CIITA: variants seen among roughly 807,000 people sequenced by gnomAD.
The protein encoded by CIITA is MHC class II transactivator.
A neutral mutation model predicts 115.1 loss-of-function variants in CIITA; 72 were observed. The observed-to-expected ratio is 0.63, with a 90% CI of 0.52 to 0.76. The LOEUF is 0.76. Ranked by LOEUF, CIITA falls within the 30% of genes least tolerant of loss-of-function variation. The probability of loss-of-function intolerance (pLI) is 0.00; values close to 1 mark genes in which losing one functional copy is unlikely to be tolerated. For synonymous variants in CIITA, 763 were observed against 635.6 expected, an observed-to-expected ratio of 1.20 and a Z score of -3.02; for missense variants, 1,617 against 1,463.8, an observed-to-expected ratio of 1.10 and a Z score of -1.71.
At position 10,901,342 on chromosome 16, in the gene CIITA, G is replaced by A. The variant is rs889359891; in HGVS notation, c.437-172G>A. 2.0e-5 allele frequency among the ~76,000 whole-genome samples: 3 copies of A among 152,138 alleles called. No individual in the cohort carries two copies. Among genetic ancestry groups the A allele is most frequent in the African/African-American group, 7.2e-5 (3 of 41,416 alleles). On this transcript the variant is annotated intron_variant, in intron 5 of 19. Transcript: ENST00000324288. The surrounding 1 kb of genome is among the most constrained non-coding windows in gnomAD (Gnocchi z 6.8). ...CTGGTATGGTTTGAGATGGGGTTTG[G>A]GTTCAAGCCAAGGAGCTGGGGTTGG...
chr16:10,894,060 C>T lies in CIITA; in HGVS notation c.53-1222C>T, dbSNP rs151083595. Among the ~76,000 whole-genome samples, 37 of 152,218 alleles carry T rather than the reference C, an allele frequency of 2.4e-4. No homozygotes were observed. The East Asian group carries it at 6.9e-3, about 29-fold the overall frequency. ...AGAGATAGGCTTTTGCTATGTTGCC[C>T]AGGCTGGTCTTGAACACCTGGGCTC... is the stretch of plus-strand genomic sequence containing the variant. On this transcript the variant is annotated intron_variant, in intron 1 of 19. Coordinates refer to ENST00000324288, the MANE Select transcript of CIITA (RefSeq NM_000246.4).
chr16:10,883,278 T>A lies in CIITA; in HGVS notation c.52+5896T>A, dbSNP rs922016609. On this transcript the variant is annotated intron_variant, in intron 1 of 19. Transcript: ENST00000324288. ...ACTTGTTGGACTCCTTTCCAGGTCA[T>A]TGACTGCAGTTAGGAGTGGCATGCA... 2.0e-5 allele frequency among the ~76,000 whole-genome samples: 3 copies of A among 152,180 alleles called. No homozygotes were observed. In the East Asian group the frequency reaches 5.8e-4, roughly 29 times the overall value.
intron 16 of CIITA, among the ~76,000 whole-genome samples, chr16:10,921,579 A>C (rs1229138186): frequency 6.6e-6 from 1 of 152,228 alleles, no homozygotes; most frequent in Non-Finnish European, 1.5e-5. Context: ...CCCATTTTAC[A>C]GATGGGCAAA....
rs140683241 is a variant in CIITA at position 10,906,536 on chromosome 16, G to A, written c.1044G>A (p.Thr348=). Residue 348 remains threonine (T), a synonymous_variant, in exon 11 of 20, where the codon ACG becomes ACA. Coordinates refer to ENST00000324288, the MANE Select transcript of CIITA (RefSeq NM_000246.4). ...AGTTCTACCGCTCACTGCAGGACAC[G>A]TATGGTGCCGAGCCCGCAGGCCCGG... is the stretch of plus-strand genomic sequence containing the variant. ...VEQFYRSLQD[T]YGAEPAGPDG... The A allele has an allele frequency of 3.1e-6, 5 of 1,612,548 alleles. No individual in the cohort carries two copies. The highest frequency in any genetic ancestry group is 1.7e-5 in the Admixed American group (1 of 60,028).
At chr16:10,922,559 G>C (rs746901512) in intron 18 of CIITA, 69 bp downstream of exon 18, 60 of 1,518,502 alleles carry the variant, frequency 4.0e-5, no homozygotes, top group Non-Finnish European at 5.5e-5. Flanking sequence ...GTGTGACCCC[G>C]GAGCTCAAAT....
chr16:10,895,179 C>T (rs2037997268), intron 1 of CIITA, 103 bp from the exon 2 acceptor site: 6 of 1,378,406 alleles, frequency 4.4e-6, no homozygotes, highest in South Asian at 3.5e-5. Flanking sequence ...TTTATTCACT[C>T]CTCTCATCCC....
chr16:10,900,436 A>G (rs751120026), intron 5 of CIITA, among the ~76,000 whole-genome samples: 10 of 151,908 alleles, frequency 6.6e-5, no homozygotes, highest in Non-Finnish European at 1.3e-4. Context: ...TTTCCCCCCA[A>G]GATTTTATTG....
At chr16:10,902,003 G>A (rs370237028) in intron 6 of CIITA, 35 bp from the exon 7 acceptor site, 21 of 1,612,966 alleles carry the variant, frequency 1.3e-5, no homozygotes, top group Non-Finnish European at 1.8e-5. Flanking sequence ...GCCCCTCCAA[G>A]CACCCAGTCT....
chr16:10,909,286 G>C, intron 12 of CIITA, 99 bp downstream of exon 12: 1 of 1,276,154 alleles, frequency 7.8e-7, no homozygotes, highest in Non-Finnish European at 1.1e-6. Context: ...AGTGCCCCCT[G>C]TCCTCTGGGA....
chr16:10,877,484 G>C (rs1400117710), intron 1 of CIITA, 102 bp downstream of exon 1: 2 of 1,217,722 alleles, frequency 1.6e-6, no homozygotes, highest in African/African-American at 3.0e-5. Flanking sequence ...ATGGGGGTGA[G>C]GATGGGAACA....
rs1359201517 is a variant in CIITA at position 10,909,099 on chromosome 16, G to A, written c.2728G>A (p.Ala910Thr). The A allele has an allele frequency of 1.2e-6, 2 of 1,614,144 alleles. No homozygotes were observed. The highest frequency in any genetic ancestry group is 8.5e-7 in the Non-Finnish European group (1 of 1,179,986). The change falls in exon 12 of 20, where the codon GCA (alanine) becomes ACA (threonine). Residue 910 changes from alanine (A) to threonine (T), a missense_variant. By Grantham distance (58) the Ala-to-Thr change is moderately conservative. Coordinates refer to ENST00000324288, the MANE Select transcript of CIITA (RefSeq NM_000246.4). ...GCATGGGGAGACCAAGCTACTTCAGGCAGCAGAGGAGAAGTTCACCATCGA... is the reference window on the plus strand; with the variant it reads ...GCATGGGGAGACCAAGCTACTTCAGACAGCAGAGGAGAAGTTCACCATCGA... ...QQHGETKLLQ[A>T]AEEKFTIEPF...
intron 1 of CIITA, among the ~76,000 whole-genome samples, chr16:10,893,820 A>G (rs1260296259): frequency 1.3e-5 from 2 of 148,816 alleles, no homozygotes; most frequent in African/African-American, 4.9e-5. Flanking sequence ...AAAAAAAAAA[A>G]AAAAAAAAAA....
In CIITA at chr16:10,930,030, T is replaced by A. The variant is rs1376560074; in HGVS notation, c.*6175T>A. 6.6e-6 allele frequency: 1 copy of A among 152,278 alleles called. No homozygotes were observed. Among genetic ancestry groups the A allele is most frequent in the Non-Finnish European group, 1.5e-5 (1 of 68,078 alleles). 9.4% of individuals were successfully genotyped at this position (152,278 alleles called of 1,614,324 possible). A position where few individuals can be genotyped will look rare whatever the true frequency, so the allele number is the denominator to read the frequency against. On this transcript the variant is annotated 3_prime_UTR_variant, in exon 20 of 20. Transcript: ENST00000324288. ...AAGGCAATAGCCACAGCCAAGTTAC[T>A]CAGCAGCCCCACTTGGCTCTTTCTC...
At chr16:10,880,101 C>T (rs2036266321) in intron 1 of CIITA, among the ~76,000 whole-genome samples, 1 of 152,196 alleles carries the variant, frequency 6.6e-6, no homozygotes, top group African/African-American at 2.4e-5. Flanking sequence ...GAACTTGACT[C>T]CAACAAATGA....
In CIITA at chr16:10,909,108, G is replaced by A. The variant is rs749591986; in HGVS notation, c.2737G>A (p.Glu913Lys). 7 of 1,614,120 alleles carry A rather than the reference G, an allele frequency of 4.3e-6. No individual in the cohort carries two copies. In the South Asian group the frequency reaches 7.7e-5, roughly 18 times the overall value. ...GACCAAGCTACTTCAGGCAGCAGAG[G>A]AGAAGTTCACCATCGAGCCTTTCAA... ...GETKLLQAAE[E>K]KFTIEPFKAK... The change falls in exon 12 of 20, where the codon GAG becomes AAG. Residue 913 changes from glutamate (E) to lysine (K), a missense_variant. Glu to Lys is a moderately conservative substitution (Grantham distance 56, BLOSUM62 1). Transcript: ENST00000324288.
rs539176026 is a variant in CIITA at position 10,931,317 on chromosome 16, G to C, written c.*7462G>C. ...CAGAGACCCTGTCTCAAAAAAAAGA[G>C]AAGATGGAATCACTCGGTGAGGACC... On this transcript the variant is annotated 3_prime_UTR_variant, in exon 20 of 20. Transcript: ENST00000324288. 1.3e-5 allele frequency: 2 copies of C among 152,868 alleles called. No homozygotes were observed. Among genetic ancestry groups the C allele is most frequent in the African/African-American group, 2.4e-5 (1 of 41,566 alleles). The allele number at this position is 152,868 out of a possible 1,614,324, so 9.5% of individuals were successfully genotyped here. A position where few individuals can be genotyped will look rare whatever the true frequency, so the allele number is the denominator to read the frequency against.
chr16:10,902,339 G>T lies in CIITA; in HGVS notation c.628+155G>T, dbSNP rs1049770848. On this transcript the variant is annotated intron_variant, in intron 7 of 19. Coordinates refer to ENST00000324288, the MANE Select transcript of CIITA (RefSeq NM_000246.4). ...TGCCCCAGCCAGTTTTATCCTTGGG[G>T]CCCCCGTCAGCTCAATCCCTGGCAG... 5.3e-5 allele frequency among the ~76,000 whole-genome samples: 8 copies of T among 152,090 alleles called. 1 individual carries two copies. The South Asian group carries it at 1.2e-3, about 24-fold the overall frequency.
intron 5 of CIITA, among the ~76,000 whole-genome samples, chr16:10,899,700 T>A (rs982570103): frequency 2.0e-5 from 3 of 152,242 alleles, no homozygotes; most frequent in African/African-American, 7.2e-5. Context: ...ATTATGGGTC[T>A]GACCATGTGT....
At chr16:10,872,971 ATTATT>A (rs969303419), upstream of CIITA, among the ~76,000 whole-genome samples, 10 of 152,098 alleles carry the variant, frequency 6.6e-5, no homozygotes, top group African/African-American at 1.9e-4. Context: ...CTTCTATTTT[ATTATT>A]TTATTTTATT....
Sources: allele counts gnomAD v4.1 joint callset (sites outside exome capture counted in the v4.1 genomes callset), GRCh38; gene constraint gnomAD v4.1.1; non-coding constraint Gnocchi (gnomAD v3.1); transcripts MANE v1.5; gene names NCBI Gene and HGNC (gene_info 2026-07-23, HGNC 2026-07-21).